The following SIAH3 variants were observed in gnomAD, a reference collection of about 807,000 sequenced individuals.
The protein encoded by SIAH3 is seven in absentia homolog 3.
A neutral mutation model predicts 12.6 loss-of-function variants in SIAH3; 9 were observed. The observed-to-expected ratio is 0.72, with a 90% CI of 0.43 to 1.25. The LOEUF is 1.25. Among genes scored for constraint, SIAH3 ranks in the 50% most tolerant of loss-of-function variants. The probability of loss-of-function intolerance (pLI) is 0.00; values close to 1 mark genes in which losing one functional copy is unlikely to be tolerated. For missense variants in SIAH3, 390 were observed against 365.4 expected (o/e 1.07, Z -0.55); for synonymous variants, 154 against 151.1 (o/e 1.02, Z -0.14).
At chr13:45,810,411 G>T (rs1950612549) in intron 1 of SIAH3, among the ~76,000 whole-genome samples, 1 of 152,188 alleles carries the variant, frequency 6.6e-6, no homozygotes, top group Admixed American at 6.5e-5. Flanking sequence ...AACCACTCTG[G>T]ATACTTAAAA....
At chr13:45,823,708 C>A (rs1013855164) in intron 1 of SIAH3, among the ~76,000 whole-genome samples, 1 of 152,208 alleles carries the variant, frequency 6.6e-6, no homozygotes, top group Non-Finnish European at 1.5e-5. Flanking sequence ...CCTACCCTAC[C>A]TTTAAGACAA....
At chr13:45,845,179 T>C (rs1045984180) in intron 1 of SIAH3, among the ~76,000 whole-genome samples, 2 of 142,736 alleles carry the variant, frequency 1.4e-5, no homozygotes, top group Non-Finnish European at 3.1e-5. Flanking sequence ...TTCTCATTTG[T>C]TTTATGCATT....
intron 1 of SIAH3, among the ~76,000 whole-genome samples, chr13:45,797,262 A>G (rs997179420): frequency 2.6e-5 from 4 of 151,980 alleles, no homozygotes; most frequent in African/African-American, 9.7e-5. Flanking sequence ...ATGCTCTCCA[A>G]TTAGCCCAAG....
intron 1 of SIAH3, 69 bp from the exon 2 acceptor site, chr13:45,784,126 G>A (rs534967553): frequency 1.4e-6 from 2 of 1,409,508 alleles, no homozygotes; most frequent in African/African-American, 1.4e-5. Flanking sequence ...CTCCCCTGAT[G>A]TTCAAAGTGT....
chr13:45,839,783 G>C (rs1275343854), intron 1 of SIAH3, among the ~76,000 whole-genome samples: 1 of 152,198 alleles, frequency 6.6e-6, no homozygotes, highest in African/African-American at 2.4e-5. Context: ...AGTGAGCTGA[G>C]ATCGCACCAC....
intron 1 of SIAH3, among the ~76,000 whole-genome samples, chr13:45,792,934 C>T (rs1272369500): frequency 2.0e-5 from 3 of 152,020 alleles, no homozygotes; most frequent in Admixed American, 6.5e-5. Flanking sequence ...TTCAAGGCGA[C>T]TTTTTGTGTA....
chr13:45,827,450 T>G (rs1466938969), intron 1 of SIAH3, among the ~76,000 whole-genome samples: 1 of 152,224 alleles, frequency 6.6e-6, no homozygotes, highest in African/African-American at 2.4e-5. Flanking sequence ...ACCACTGTTA[T>G]TTGACCATTC....
chr13:45,841,243 T>C (rs1358588468), intron 1 of SIAH3, among the ~76,000 whole-genome samples: 1 of 152,212 alleles, frequency 6.6e-6, no homozygotes, highest in East Asian at 1.9e-4. Context: ...GAAGTCTGGT[T>C]ATGAAGCTGG....
intron 1 of SIAH3, among the ~76,000 whole-genome samples, chr13:45,844,898 C>T (rs1204807809): frequency 6.6e-6 from 1 of 152,136 alleles, no homozygotes; most frequent in Non-Finnish European, 1.5e-5. Context: ...TGCAATGGCC[C>T]AGCAACAACC....
chr13:45,793,020 T>G (rs1950551251), intron 1 of SIAH3, among the ~76,000 whole-genome samples: 1 of 152,244 alleles, frequency 6.6e-6, no homozygotes, highest in Non-Finnish European at 1.5e-5. Context: ...ACCTTTTTAA[T>G]TACCCAAAGC....
chr13:45,843,270 G>A (rs1294143843), intron 1 of SIAH3, among the ~76,000 whole-genome samples: 1 of 152,090 alleles, frequency 6.6e-6, no homozygotes, highest in Non-Finnish European at 1.5e-5. Context: ...GCAGGGCAGA[G>A]AGAAAATGTA....
At chr13:45,815,225 G>A (rs933970321) in intron 1 of SIAH3, among the ~76,000 whole-genome samples, 1 of 152,008 alleles carries the variant, frequency 6.6e-6, no homozygotes. Context: ...TCAAATGCTA[G>A]GCTAAATGTT....
chr13:45,846,802 T>G (rs115869609), intron 1 of SIAH3, among the ~76,000 whole-genome samples: 1 of 152,192 alleles, frequency 6.6e-6, no homozygotes, highest in Admixed American at 6.5e-5. Flanking sequence ...AGCCGCCAGC[T>G]TCAGCCTCCC....
intron 1 of SIAH3, among the ~76,000 whole-genome samples, chr13:45,814,796 C>T (rs1310361051): frequency 6.6e-6 from 1 of 151,524 alleles, no homozygotes; most frequent in Non-Finnish European, 1.5e-5. Flanking sequence ...TGCGATCTCG[C>T]ACTGCAACCT....
chr13:45,803,507 C>T (rs1292639626), intron 1 of SIAH3, among the ~76,000 whole-genome samples: 1 of 152,078 alleles, frequency 6.6e-6, no homozygotes, highest in Non-Finnish European at 1.5e-5. Context: ...AGGAAGGTCT[C>T]ATGGAGGAGG....
rs35686357 is a variant in SIAH3, at chr13:45,784,398, G to GTTT, written c.136-344_136-342dup. On this transcript the variant is annotated intron_variant, in intron 1 of 1. Transcript: ENST00000400405. ...TCAATCACAAAGAACAAAGACAGCTGTTTTTTTTTTTTTTTTTTTTTTTGC... is the reference window on the plus strand; with the variant it reads ...TCAATCACAAAGAACAAAGACAGCTGTTTTTTTTTTTTTTTTTTTTTTTTTTGC... Among the ~76,000 whole-genome samples, 344 of 65,582 alleles carry GTTT rather than the reference G, an allele frequency of 5.2e-3. 6 individuals carry two copies. Among genetic ancestry groups the GTTT allele is most frequent in the East Asian group, 0.016 (44 of 2,752 alleles). The allele number at this position is 65,582 out of a possible 152,430, so 43.0% of individuals were successfully genotyped here.
At chr13:45,817,155 C>A (rs920313952) in intron 1 of SIAH3, among the ~76,000 whole-genome samples, 2 of 152,244 alleles carry the variant, frequency 1.3e-5, no homozygotes, top group Non-Finnish European at 2.9e-5. Flanking sequence ...CACTGCATAA[C>A]AATGTTTAGG....
At chr13:45,818,439 G>A (rs888013025) in intron 1 of SIAH3, among the ~76,000 whole-genome samples, 1 of 152,182 alleles carries the variant, frequency 6.6e-6, no homozygotes, top group African/African-American at 2.4e-5. Context: ...CAAACTTGGT[G>A]GCATAAAAAA....
At chr13:45,787,165 G>T (rs1950530839) in intron 1 of SIAH3, among the ~76,000 whole-genome samples, 1 of 152,070 alleles carries the variant, frequency 6.6e-6, no homozygotes, top group African/African-American at 2.4e-5. Flanking sequence ...TAGGTCAGGT[G>T]GATGGGTGAA....
Sources: gnomAD v4.1 joint callset for allele counts (sites outside exome capture counted in the v4.1 genomes callset) on GRCh38, gnomAD v4.1.1 for gene constraint, MANE v1.5 for transcripts, NCBI Gene and HGNC (gene_info 2026-07-23, HGNC 2026-07-21) for gene names.